ZNF248: variants seen among roughly 807,000 people sequenced by gnomAD.
ZNF248 encodes the protein zinc finger protein 248.
A neutral mutation model predicts 44.3 loss-of-function variants in ZNF248; 20 were observed. That is an observed-to-expected ratio of 0.45 (90% CI 0.32 to 0.66). ZNF248 has a LOEUF of 0.66. Among genes scored for constraint, ZNF248 ranks in the 30% least tolerant of loss-of-function variants. ZNF248 has a pLI of 0.04. For missense variants in ZNF248, 654 were observed against 677.0 expected, an observed-to-expected ratio of 0.97 and a Z score of 0.38; for synonymous variants, 224 against 229.0, an observed-to-expected ratio of 0.98 and a Z score of 0.20.
At chr10:37,846,417 T>C (rs2059322622) in intron 3 of ZNF248, among the ~76,000 whole-genome samples, 1 of 152,108 alleles carries the variant, frequency 6.6e-6, no homozygotes, top group Non-Finnish European at 1.5e-5. Flanking sequence ...GAGTATTGCC[T>C]GGGCCAAGGA....
chr10:37,849,184 A>T (rs2059808249), intron 3 of ZNF248, among the ~76,000 whole-genome samples: 1 of 152,204 alleles, frequency 6.6e-6, no homozygotes, highest in South Asian at 2.1e-4. Context: ...CTATAATCCC[A>T]GCACTTTGAA....
downstream of ZNF248, among the ~76,000 whole-genome samples, chr10:37,772,631 CTA>C (rs1196205311): frequency 6.6e-6 from 1 of 152,184 alleles, no homozygotes; most frequent in Non-Finnish European, 1.5e-5. Context: ...GGCAAGTCTT[CTA>C]TGAGACAGGT....
At chr10:37,852,919 T>C (rs2060566627) in intron 3 of ZNF248, among the ~76,000 whole-genome samples, 1 of 151,788 alleles carries the variant, frequency 6.6e-6, no homozygotes, top group African/African-American at 2.4e-5. Context: ...TGGAGTGCAG[T>C]TGCGTGATCT....
At chr10:37,783,570 G>A (rs1370110066) in intron 6 of ZNF248, among the ~76,000 whole-genome samples, 1 of 152,166 alleles carries the variant, frequency 6.6e-6, no homozygotes, top group Non-Finnish European at 1.5e-5. Context: ...CAAGAAAGTG[G>A]AAAGAGAAGT....
At chr10:37,828,759 A>C (rs1030089259), downstream of ZNF248, 8 of 985,258 alleles carry the variant, frequency 8.1e-6, no homozygotes, top group African/African-American at 1.4e-4. Flanking sequence ...AATTAATCAA[A>C]CAGTGCAGGG....
chr10:37,814,275 G>A (rs973840989), intron 6 of ZNF248, among the ~76,000 whole-genome samples: 50 of 151,982 alleles, frequency 3.3e-4, no homozygotes, highest in African/African-American at 1.2e-3. Context: ...AAAAAACTCC[G>A]CTCCTACACA....
the ZNF248 span, among the ~76,000 whole-genome samples, chr10:37,760,821 C>A: frequency 1.3e-5 from 2 of 151,968 alleles, no homozygotes; most frequent in Non-Finnish European, 2.9e-5. Flanking sequence ...GATGACAGAG[C>A]AAGACTCTGT....
intron 6 of ZNF248, among the ~76,000 whole-genome samples, chr10:37,790,610 T>C: frequency 6.6e-6 from 1 of 151,914 alleles, no homozygotes; most frequent in Non-Finnish European, 1.5e-5. Flanking sequence ...CTCGGGAGGC[T>C]GAGGCAGGAG....
chr10:37,838,185 T>A, intron 3 of ZNF248, 74 bp from the exon 4 acceptor site: 1 of 1,406,002 alleles, frequency 7.1e-7, no homozygotes, highest in Non-Finnish European at 9.6e-7. Context: ...AGAACTAATC[T>A]CTTTAGAGTT....
chr10:37,778,945 T>C, intron 6 of ZNF248, among the ~76,000 whole-genome samples: 1 of 151,738 alleles, frequency 6.6e-6, no homozygotes, highest in African/African-American at 2.4e-5. Context: ...ACACATACAC[T>C]CTCCCAAGAC....
At chr10:37,819,926 TA>T in intron 6 of ZNF248, 1 of 771,680 alleles carries the variant, frequency 1.3e-6, no homozygotes, top group Non-Finnish European at 2.4e-6. Flanking sequence ...CATTGTTCAG[TA>T]AACGAGGCCC....
rs1466685024 is a variant in ZNF248, at chr10:37,829,090, T to C, written c.*2525A>G. On this transcript the variant is annotated 3_prime_UTR_variant, in exon 6 of 6. Coordinates refer to ENST00000395867, the MANE Select transcript of ZNF248 (RefSeq NM_021045.3). ...TTCCCAGATTCTCTCTCCACCCTTC[T>C]CTGTGCCCACCTGGGCTCTCCAGCA... The C allele has an allele frequency of 3.0e-6, 3 of 985,398 alleles. No individual in the cohort carries two copies. The highest frequency in any genetic ancestry group is 3.6e-6 in the Non-Finnish European group (3 of 829,992). The allele number at this position is 985,398 out of a possible 1,614,324, so 61.0% of individuals were successfully genotyped here.
chr10:37,818,726 G>T, intron 6 of ZNF248: 1 of 600,954 alleles, frequency 1.7e-6, no homozygotes, highest in Non-Finnish European at 3.0e-6. Context: ...GCCAGTTGCT[G>T]GGCATCAATG....
chr10:37,776,915 C>T (rs1184434033), intron 6 of ZNF248, among the ~76,000 whole-genome samples: 1 of 152,090 alleles, frequency 6.6e-6, no homozygotes, highest in East Asian at 1.9e-4. Context: ...AGATGGAAGA[C>T]AGTCACATAA....
At chr10:37,787,879 A>C (rs1002898107) in intron 6 of ZNF248, among the ~76,000 whole-genome samples, 2 of 152,216 alleles carry the variant, frequency 1.3e-5, no homozygotes, top group African/African-American at 4.8e-5. Context: ...TGTGATTCAA[A>C]AGATAACATT....
chr10:37,769,282 A>G, the ZNF248 span, among the ~76,000 whole-genome samples: 1 of 152,234 alleles, frequency 6.6e-6, no homozygotes, highest in African/African-American at 2.4e-5. Context: ...TGAGGCCAGC[A>G]CCATCCTGAT....
At chr10:37,772,151 G>T (rs1220178756), downstream of ZNF248, among the ~76,000 whole-genome samples, 1 of 152,016 alleles carries the variant, frequency 6.6e-6, no homozygotes, top group Non-Finnish European at 1.5e-5. Context: ...TGTAATCTCA[G>T]CTACTCAGGA....
At chr10:37,823,828 C>A (rs2053905714), downstream of ZNF248, among the ~76,000 whole-genome samples, 1 of 151,996 alleles carries the variant, frequency 6.6e-6, no homozygotes, top group Non-Finnish European at 1.5e-5. Context: ...CCCACCTCGG[C>A]CTCCCAAATT....
At chr10:37,797,214 G>A (rs12411514) in intron 6 of ZNF248, among the ~76,000 whole-genome samples, 3,105 of 152,188 alleles carry the variant, frequency 0.02, 116 homozygotes, top group East Asian at 0.11. Context: ...CGTAAATTAC[G>A]CTTTAAACAA....
Sources: gnomAD v4.1 joint callset for allele counts (sites outside exome capture counted in the v4.1 genomes callset) on GRCh38, gnomAD v4.1.1 for gene constraint, MANE v1.5 for transcripts, NCBI Gene and HGNC (gene_info 2026-07-23, HGNC 2026-07-21) for gene names.